Variants in FAM135B observed in about 807,000 individuals in gnomAD.
FAM135B encodes the protein family with sequence similarity 135 member B, also known as protein FAM135B.
A neutral mutation model predicts 127.7 loss-of-function variants in FAM135B; 43 were observed. The observed-to-expected ratio is 0.34, with a 90% CI of 0.26 to 0.43. The LOEUF (loss-of-function observed/expected upper bound fraction) is 0.43, where lower values mean the gene tolerates loss of function less well. Among genes scored for constraint, FAM135B ranks in the 20% least tolerant of loss-of-function variants. FAM135B has a pLI of 1.00. For missense variants in FAM135B, 1,558 were observed against 1,725.6 expected (o/e 0.90, Z 1.72); for synonymous variants, 670 against 665.1 (o/e 1.01, Z -0.11).
chr8:138,206,744 TCATCCCCTCCACCTACACACAATTCCAG>T, intron 7 of FAM135B, among the ~76,000 whole-genome samples: 1 of 129,564 alleles, frequency 7.7e-6, no homozygotes, highest in African/African-American at 2.9e-5. Context: ...CACAACTGTA[TCATCCCCTCCACCTACACACAATTCCAG>T]CATCCCCTCC....
rs1818632255 is a variant in FAM135B, at chr8:138,217,428, A to ATTTCT, written c.670-19764_670-19760dup. Among the ~76,000 whole-genome samples the ATTTCT allele has an allele frequency of 1.7e-5, 2 of 114,874 alleles. 1 individual carries two copies. The highest frequency in any genetic ancestry group is 7.1e-5 in the African/African-American group (2 of 28,150). 75.4% of individuals were successfully genotyped at this position (114,874 alleles called of 152,430 possible). On this transcript the variant is annotated intron_variant, in intron 7 of 19. Transcript: ENST00000395297. ...AGGCTATTCATTTGTTCTCTGATAT[A>ATTTCT]TTTCTTTTTTTTTTTTTTTTGAGAT...
At chr8:138,421,299 C>T (rs991900332) in intron 1 of FAM135B, among the ~76,000 whole-genome samples, 39 of 152,066 alleles carry the variant, frequency 2.6e-4, no homozygotes, top group African/African-American at 8.2e-4. Flanking sequence ...GGCAACAGAG[C>T]GAGACTCTGT....
intron 6 of FAM135B, among the ~76,000 whole-genome samples, chr8:138,250,170 T>A (rs1304709576): frequency 9.2e-5 from 14 of 151,960 alleles, no homozygotes; most frequent in Admixed American, 3.3e-4. Flanking sequence ...CTGGCCAACA[T>A]GGTGAAACCC....
chr8:138,361,452 C>T (rs964668874), intron 2 of FAM135B, among the ~76,000 whole-genome samples: 5 of 152,290 alleles, frequency 3.3e-5, no homozygotes, highest in Admixed American at 6.5e-5. Flanking sequence ...TCTCCCAGTA[C>T]GCACTAGACC....
chr8:138,181,190 G>A (rs1454858149), intron 9 of FAM135B, among the ~76,000 whole-genome samples: 8 of 152,020 alleles, frequency 5.3e-5, no homozygotes, highest in Admixed American at 6.6e-5. Flanking sequence ...GCAGTGAGCC[G>A]AGATCGCACC....
At chr8:138,356,264 A>G (rs373144692) in intron 2 of FAM135B, among the ~76,000 whole-genome samples, 4 of 33,500 alleles carry the variant, frequency 1.2e-4, no homozygotes, top group African/African-American at 3.9e-4. Context: ...CAGAAAGGGA[A>G]AGAGAGAGAG....
chr8:138,374,854 T>C (rs1563947767), intron 1 of FAM135B, among the ~76,000 whole-genome samples: 2 of 152,184 alleles, frequency 1.3e-5, no homozygotes, highest in East Asian at 3.9e-4. Flanking sequence ...ACATGCATCA[T>C]GCTTAGGAGG....
At chr8:138,163,693 T>TA (rs1819632668) in intron 12 of FAM135B, among the ~76,000 whole-genome samples, 1 of 152,160 alleles carries the variant, frequency 6.6e-6, no homozygotes, top group Non-Finnish European at 1.5e-5. Context: ...GTGAGTCCAT[T>TA]AAACCTCTTT....
chr8:138,222,634 G>A (rs1586813834), intron 7 of FAM135B, among the ~76,000 whole-genome samples: 1 of 150,944 alleles, frequency 6.6e-6, no homozygotes, highest in Admixed American at 6.6e-5. Flanking sequence ...TTTAGATGTG[G>A]TGGGGTTTTT....
chr8:138,141,108 G>T lies in FAM135B; in HGVS notation c.3790+90C>A, dbSNP rs2130588988. 1 of 1,272,734 alleles carries T rather than the reference G, an allele frequency of 7.9e-7. No homozygotes were observed. Among genetic ancestry groups the T allele is most frequent in the East Asian group, 2.4e-5 (1 of 41,950 alleles). 78.8% of individuals were successfully genotyped at this position (1,272,734 alleles called of 1,614,324 possible). ...GCTTGGAAAAGACTGCACAGTCACA[G>T]GGTTCCAAGTGGAAGTACCTGTGCC... On this transcript the variant is annotated intron_variant, in intron 17 of 19. Coordinates refer to ENST00000395297, the MANE Select transcript of FAM135B (RefSeq NM_015912.4). This position sits in a 1 kb window ranked among gnomAD's most constrained non-coding sequence, Gnocchi z 4.7.
intron 1 of FAM135B, among the ~76,000 whole-genome samples, chr8:138,473,407 G>A (rs1464395709): frequency 6.6e-6 from 1 of 151,964 alleles, no homozygotes. Context: ...CTGTATAAGG[G>A]GATAAAGTCC....
intron 2 of FAM135B, among the ~76,000 whole-genome samples, chr8:138,338,723 C>T (rs1318983819): frequency 6.6e-6 from 1 of 152,022 alleles, no homozygotes; most frequent in Non-Finnish European, 1.5e-5. Context: ...GGATCTAGAA[C>T]TAGAAATACC....
chr8:138,384,208 T>C (rs1224777537), intron 1 of FAM135B, among the ~76,000 whole-genome samples: 8 of 152,184 alleles, frequency 5.3e-5, no homozygotes, highest in Non-Finnish European at 1.2e-4. Context: ...ATTAGCTTGA[T>C]GTCTGACTGT....
At chr8:138,390,683 C>G (rs569285939) in intron 1 of FAM135B, among the ~76,000 whole-genome samples, 141 of 152,210 alleles carry the variant, frequency 9.3e-4, no homozygotes, top group African/African-American at 3.3e-3. Context: ...ATGAAGAAAT[C>G]AGCCATTCAC....
At chr8:138,387,473 C>G (rs1392593006) in intron 1 of FAM135B, among the ~76,000 whole-genome samples, 2 of 152,108 alleles carry the variant, frequency 1.3e-5, no homozygotes, top group Admixed American at 6.5e-5. Context: ...CTCTTTTCTC[C>G]TTTTGCTCAT....
chr8:138,158,474 CAA>C (rs1272656693), intron 12 of FAM135B, among the ~76,000 whole-genome samples: 1 of 152,142 alleles, frequency 6.6e-6, no homozygotes, highest in Non-Finnish European at 1.5e-5. Flanking sequence ...TTCTGCACAG[CAA>C]AAGAAACTAC....
At chr8:138,489,815 C>T (rs940765789) in intron 1 of FAM135B, among the ~76,000 whole-genome samples, 1 of 152,156 alleles carries the variant, frequency 6.6e-6, no homozygotes, top group Non-Finnish European at 1.5e-5. Context: ...AACAGCTCCC[C>T]CGACTCCTTA....
chr8:138,367,039 T>C (rs572117915), intron 2 of FAM135B, among the ~76,000 whole-genome samples: 3 of 152,226 alleles, frequency 2.0e-5, no homozygotes, highest in Admixed American at 6.5e-5. Flanking sequence ...TCTAACTCAG[T>C]AGAACCGCCC....
chr8:138,329,996 G>C (rs1258590070), intron 2 of FAM135B, among the ~76,000 whole-genome samples: 2 of 152,064 alleles, frequency 1.3e-5, no homozygotes. Context: ...TAAGAATGCT[G>C]GCTTGCATCT....
Sources: gnomAD v4.1 joint callset for allele counts (sites outside exome capture counted in the v4.1 genomes callset) on GRCh38, gnomAD v4.1.1 for gene constraint, Gnocchi (gnomAD v3.1) non-coding constraint, MANE v1.5 for transcripts, NCBI Gene and HGNC (gene_info 2026-07-23, HGNC 2026-07-21) for gene names.